CSMD1: variants seen among roughly 807,000 people sequenced by gnomAD.
The protein encoded by CSMD1 is CUB and Sushi multiple domains 1.
CSMD1 carries 213 observed loss-of-function variants against 417.5 expected under a neutral mutation model. That is an observed-to-expected ratio of 0.51 (90% confidence interval 0.46 to 0.57). The LOEUF (loss-of-function observed/expected upper bound fraction) is 0.57. Among genes scored for constraint, CSMD1 ranks in the 20% least tolerant of loss-of-function variants. The probability of loss-of-function intolerance (pLI) is 0.00; values close to 1 mark genes in which losing one functional copy is unlikely to be tolerated. For synonymous variants in CSMD1, 2,862 were observed against 1,736.8 expected (o/e 1.65, Z -16.11); for missense variants, 6,923 against 4,529.7 (o/e 1.53, Z -15.17).
At chr8:3,208,729 A>C (rs1032442198) in intron 30 of CSMD1, among the ~76,000 whole-genome samples, 1 of 152,106 alleles carries the variant, frequency 6.6e-6, no homozygotes, top group African/African-American at 2.4e-5. Context: ...GCACCATCTA[A>C]TAAACTGCAG....
intron 1 of CSMD1, among the ~76,000 whole-genome samples, chr8:4,789,702 C>A (rs996480353): frequency 6.6e-6 from 1 of 152,010 alleles, no homozygotes; most frequent in Non-Finnish European, 1.5e-5. Flanking sequence ...TATTTATGAT[C>A]CTGTATAAGA....
intron 3 of CSMD1, among the ~76,000 whole-genome samples, chr8:4,048,668 A>G (rs951567926): frequency 1.3e-5 from 2 of 152,204 alleles, no homozygotes; most frequent in African/African-American, 2.4e-5. Context: ...ACCACAGAGG[A>G]AAGTGTGATT....
intron 3 of CSMD1, among the ~76,000 whole-genome samples, chr8:4,234,291 C>A (rs1175495296): frequency 6.6e-6 from 1 of 152,118 alleles, no homozygotes; most frequent in Non-Finnish European, 1.5e-5. Flanking sequence ...TCTATGGGAC[C>A]CATCCATAGA....
intron 3 of CSMD1, among the ~76,000 whole-genome samples, chr8:4,162,506 A>G (rs1797232427): frequency 6.6e-6 from 1 of 152,226 alleles, no homozygotes; most frequent in African/African-American, 2.4e-5. Context: ...ATCCTCATAA[A>G]TCTAACTTGC....
At chr8:3,926,107 ACAC>A (rs1809693689) in intron 5 of CSMD1, among the ~76,000 whole-genome samples, 1 of 65,288 alleles carries the variant, frequency 1.5e-5, no homozygotes, top group Non-Finnish European at 3.1e-5. Flanking sequence ...ACACACACAC[ACAC>A]ACACACACAC....
intron 18 of CSMD1, among the ~76,000 whole-genome samples, chr8:3,374,662 A>T (rs1810194973): frequency 6.6e-6 from 1 of 152,174 alleles, no homozygotes; most frequent in South Asian, 2.1e-4. Flanking sequence ...GTCGGAGGAA[A>T]TGCAGAAGAT....
At chr8:3,307,896 C>G (rs1805007011) in intron 24 of CSMD1, 75 bp from the exon 25 acceptor site, 3 of 1,523,418 alleles carry the variant, frequency 2.0e-6, no homozygotes, top group Non-Finnish European at 2.7e-6. Context: ...TTTTCAAAAC[C>G]AAAGCCATTA....
chr8:4,041,416 G>C (rs961890058), intron 3 of CSMD1, among the ~76,000 whole-genome samples: 1 of 152,054 alleles, frequency 6.6e-6, no homozygotes, highest in Admixed American at 6.5e-5. Context: ...TTACTACTAC[G>C]AAAAAAGCAA....
chr8:3,342,762 T>A (rs1203781894), intron 23 of CSMD1, among the ~76,000 whole-genome samples: 1 of 152,222 alleles, frequency 6.6e-6, no homozygotes, highest in African/African-American at 2.4e-5. Context: ...CTCTGGCAAG[T>A]ATTCAAAGTA....
intron 1 of CSMD1, among the ~76,000 whole-genome samples, chr8:4,669,881 T>C (rs1320671464): frequency 6.6e-6 from 1 of 152,192 alleles, no homozygotes; most frequent in Non-Finnish European, 1.5e-5. Context: ...TCTGGGCTTC[T>C]AGAACTGCTG....
intron 2 of CSMD1, among the ~76,000 whole-genome samples, chr8:4,468,596 G>A (rs1181966497): frequency 1.3e-5 from 2 of 152,110 alleles, no homozygotes; most frequent in Non-Finnish European, 2.9e-5. Context: ...AGCCACAAAT[G>A]ATTTTTCAAG....
At chr8:4,069,581 A>G (rs1799437514) in intron 3 of CSMD1, among the ~76,000 whole-genome samples, 1 of 152,140 alleles carries the variant, frequency 6.6e-6, no homozygotes, top group Admixed American at 6.5e-5. Context: ...ATGCAGATGT[A>G]TCTTGGGCCA....
intron 12 of CSMD1, among the ~76,000 whole-genome samples, chr8:3,452,777 T>C (rs933734161): frequency 6.6e-6 from 1 of 152,192 alleles, no homozygotes; most frequent in Non-Finnish European, 1.5e-5. Flanking sequence ...TCTAAAATTC[T>C]CTTTTTTTGT....
intron 2 of CSMD1, among the ~76,000 whole-genome samples, chr8:4,452,875 T>A (rs775478346): frequency 3.3e-5 from 5 of 152,192 alleles, no homozygotes; most frequent in Non-Finnish European, 7.3e-5. Flanking sequence ...GAAGGCCGAC[T>A]GTGAAACAAA....
chr8:3,313,654 A>C (rs1194196532), intron 23 of CSMD1, among the ~76,000 whole-genome samples: 1 of 152,164 alleles, frequency 6.6e-6, no homozygotes, highest in Non-Finnish European at 1.5e-5. Context: ...AAATAGGAAC[A>C]CTTTCACACT....
intron 7 of CSMD1, among the ~76,000 whole-genome samples, chr8:3,691,852 A>T (rs1430831353): frequency 6.6e-6 from 1 of 152,192 alleles, no homozygotes; most frequent in African/African-American, 2.4e-5. Flanking sequence ...TGTAACTTGA[A>T]TATTTTCAGG....
In CSMD1 at chr8:4,095,615, C is replaced by T. The variant is rs556391667; in HGVS notation, c.416-63516G>A. Among the ~76,000 whole-genome samples, 4 of 152,272 alleles carry T rather than the reference C, an allele frequency of 2.6e-5. No individual in the cohort carries two copies. In the East Asian group the frequency reaches 7.7e-4, roughly 29 times the overall value. ...CAAGAAACAAAGTAATGTGCACCTGCAGAGCTGCGTGTGTTATAGAAGAGA... is the reference window on the plus strand; with the variant it reads ...CAAGAAACAAAGTAATGTGCACCTGTAGAGCTGCGTGTGTTATAGAAGAGA... On this transcript the variant is annotated intron_variant, in intron 3 of 69. Coordinates refer to ENST00000635120, the MANE Select transcript of CSMD1 (RefSeq NM_033225.6).
chr8:3,534,950 C>T lies in CSMD1; in HGVS notation c.1344+39995G>A, dbSNP rs146705115. ...AGGGTTACTGTAAGACATGTATTTA[C>T]TTATTTATTTATTTATTGACAGCAT... is the stretch of plus-strand genomic sequence containing the variant. On this transcript the variant is annotated intron_variant, in intron 10 of 69. Coordinates refer to ENST00000635120, the MANE Select transcript of CSMD1 (RefSeq NM_033225.6). Among the ~76,000 whole-genome samples, 821 of 152,112 alleles carry T rather than the reference C, an allele frequency of 5.4e-3. 7 individuals carry two copies. The highest frequency in any genetic ancestry group is 0.019 in the African/African-American group (792 of 41,502).
At chr8:3,436,799 A>G (rs1362472307) in intron 12 of CSMD1, among the ~76,000 whole-genome samples, 2 of 152,188 alleles carry the variant, frequency 1.3e-5, no homozygotes, top group African/African-American at 4.8e-5. Context: ...TCTTCTCAAA[A>G]CAAACACTGT....
Sources: allele counts gnomAD v4.1 joint callset (sites outside exome capture counted in the v4.1 genomes callset), GRCh38; gene constraint gnomAD v4.1.1; transcripts MANE v1.5; gene names NCBI Gene and HGNC (gene_info 2026-07-23, HGNC 2026-07-21).